Variants in ERBIN observed in about 807,000 individuals in gnomAD.
The protein encoded by ERBIN is densin-180-like protein.
A neutral mutation model predicts 158.4 loss-of-function variants in ERBIN; 60 were observed. The observed-to-expected ratio is 0.38, with a 90% CI of 0.31 to 0.47. The LOEUF (loss-of-function observed/expected upper bound fraction) is 0.47. ERBIN is among the 20% of genes least tolerant of loss of function. The pLI, the probability that ERBIN is intolerant of heterozygous loss-of-function variation, is 0.99. For synonymous variants in ERBIN, 594 were observed against 557.2 expected, an observed-to-expected ratio of 1.07 and a Z score of -0.93; for missense variants, 1,610 against 1,648.0, an observed-to-expected ratio of 0.98 and a Z score of 0.40.
At position 65,934,551 on chromosome 5, in the gene ERBIN, G is replaced by C. The variant is rs184825230; in HGVS notation, c.-58+7745G>C. On this transcript the variant is annotated intron_variant, in intron 1 of 25. Coordinates refer to ENST00000284037, the MANE Select transcript of ERBIN (RefSeq NM_001253697.2). ...ATTAGATCTTTGATTAGATTTTTAT[G>C]ATTAGATCTTTGGCAGGGTTATTGT... Among the ~76,000 whole-genome samples, 317 of 152,064 alleles carry C rather than the reference G, an allele frequency of 2.1e-3. 1 individual carries two copies. The highest frequency in any genetic ancestry group is 7.3e-3 in the African/African-American group (304 of 41,474).
intron 14 of ERBIN, among the ~76,000 whole-genome samples, chr5:66,036,550 A>G (rs16894759): frequency 0.04 from 6,138 of 152,126 alleles, 424 homozygotes; most frequent in African/African-American, 0.14. Flanking sequence ...CTCCTCCTGT[A>G]TGTTCTTCTT....
chr5:65,936,120 ACT>A lies in ERBIN; in HGVS notation c.-58+9317_-58+9318del, dbSNP rs1262370875. Among the ~76,000 whole-genome samples the A allele has an allele frequency of 6.7e-5, 10 of 150,304 alleles. No individual in the cohort carries two copies. In the East Asian group the frequency reaches 2.0e-3, roughly 30 times the overall value. On this transcript the variant is annotated intron_variant, in intron 1 of 25. Transcript: ENST00000284037. Reference sequence around the variant, plus strand: ...TTCTTGGAATTTCACACCTTAGGTCACTCTAGACTCTTTGTGGGAGCATGGAG... The same window carrying A: ...TTCTTGGAATTTCACACCTTAGGTCACTAGACTCTTTGTGGGAGCATGGAG...
intron 1 of ERBIN, among the ~76,000 whole-genome samples, chr5:65,979,313 A>G (rs1750385994): frequency 1.3e-5 from 2 of 152,104 alleles, no homozygotes; most frequent in Non-Finnish European, 2.9e-5. Context: ...CTGTAGTCCC[A>G]ACTATTTGGG....
chr5:66,025,825 A>G (rs774178333), intron 11 of ERBIN, 23 bp from the exon 12 acceptor site: 7 of 1,327,198 alleles, frequency 5.3e-6, no homozygotes, highest in Non-Finnish European at 5.0e-6. Flanking sequence ...CAAATAATAT[A>G]TATTTCTTTT....
At chr5:65,935,978 G>A (rs868035935) in intron 1 of ERBIN, among the ~76,000 whole-genome samples, 1 of 152,098 alleles carries the variant, frequency 6.6e-6, no homozygotes, top group African/African-American at 2.4e-5. Flanking sequence ...CTTCCACCTC[G>A]AACCTCCCAA....
chr5:65,932,577 C>T (rs1235024040), intron 1 of ERBIN, among the ~76,000 whole-genome samples: 1 of 152,176 alleles, frequency 6.6e-6, no homozygotes, highest in Non-Finnish European at 1.5e-5. Context: ...TGTGGACTTC[C>T]AGGGCCTATG....
intron 7 of ERBIN, among the ~76,000 whole-genome samples, chr5:66,019,903 C>G (rs78239770): frequency 0.051 from 7,733 of 152,148 alleles, 204 homozygotes; most frequent in Non-Finnish European, 0.062. Flanking sequence ...TTCTCTTCCT[C>G]CTCACAATCT....
chr5:66,015,748 G>A (rs1368867558), intron 7 of ERBIN, among the ~76,000 whole-genome samples: 1 of 152,132 alleles, frequency 6.6e-6, no homozygotes, highest in African/African-American at 2.4e-5. Context: ...GAGGAGTGAG[G>A]ATCGCTTGAG....
At chr5:65,977,152 C>A (rs995822101) in intron 1 of ERBIN, among the ~76,000 whole-genome samples, 1 of 146,246 alleles carries the variant, frequency 6.8e-6, no homozygotes, top group Non-Finnish European at 1.5e-5. Context: ...GGGGCTGACT[C>A]CCCCACCTCC....
intron 2 of ERBIN, among the ~76,000 whole-genome samples, chr5:65,992,244 G>A (rs1751951943): frequency 6.6e-6 from 1 of 151,994 alleles, no homozygotes; most frequent in Admixed American, 6.6e-5. Flanking sequence ...CCACCTCCCG[G>A]GTTCAAGCCA....
intron 1 of ERBIN, among the ~76,000 whole-genome samples, chr5:65,972,676 G>A (rs1193114746): frequency 6.6e-6 from 1 of 151,316 alleles, no homozygotes; most frequent in African/African-American, 2.5e-5. Flanking sequence ...TAGTTTTACA[G>A]GATTATGGAT....
intron 22 of ERBIN, among the ~76,000 whole-genome samples, chr5:66,072,507 T>C (rs1206757814): frequency 6.6e-6 from 1 of 152,196 alleles, no homozygotes; most frequent in African/African-American, 2.4e-5. Flanking sequence ...CCTGGAGAAT[T>C]ATTTTATTTT....
At chr5:66,026,152 G>A (rs1490166393) in intron 12 of ERBIN, 150 bp from the exon 13 acceptor site, 9 of 676,998 alleles carry the variant, frequency 1.3e-5, no homozygotes, top group South Asian at 2.6e-5. Flanking sequence ...GCTTTCTTAT[G>A]TACATAAAAA....
chr5:66,045,583 A>AC (rs1170206834), intron 17 of ERBIN, among the ~76,000 whole-genome samples: 2 of 152,174 alleles, frequency 1.3e-5, no homozygotes, highest in East Asian at 3.9e-4. Flanking sequence ...ATTTCTCTGA[A>AC]CATACCACTG....
intron 1 of ERBIN, among the ~76,000 whole-genome samples, chr5:65,965,976 A>G (rs905528583): frequency 6.6e-6 from 1 of 152,220 alleles, no homozygotes; most frequent in Admixed American, 6.5e-5. Context: ...ATGACGGTGC[A>G]GTTAACCTCT....
chr5:66,006,570 G>C (rs1317041778), intron 4 of ERBIN, among the ~76,000 whole-genome samples: 1 of 152,118 alleles, frequency 6.6e-6, no homozygotes, highest in African/African-American at 2.4e-5. Context: ...AAGAGCTTCT[G>C]CACAGCAAAA....
intron 1 of ERBIN, among the ~76,000 whole-genome samples, chr5:65,940,474 AGTCCCCCCCCCCCCG>A (rs1744766102): frequency 1.8e-5 from 1 of 55,310 alleles, no homozygotes; most frequent in Non-Finnish European, 3.2e-5. Context: ...TGGGGGGGTC[AGTCCCCCCCCCCCCG>A]GCCAGCCGCC....
chr5:66,047,340 G>A (rs2151216196), intron 18 of ERBIN, among the ~76,000 whole-genome samples: 1 of 152,106 alleles, frequency 6.6e-6, no homozygotes, highest in East Asian at 1.9e-4. Flanking sequence ...ATACTACATT[G>A]TGTATATCCA....
intron 14 of ERBIN, among the ~76,000 whole-genome samples, chr5:66,032,926 C>G (rs1757036764): frequency 1.3e-5 from 2 of 152,114 alleles, no homozygotes. Context: ...GAAAAGTAAC[C>G]ACAAATGAAA....
Sources: allele counts gnomAD v4.1 joint callset (sites outside exome capture counted in the v4.1 genomes callset), GRCh38; gene constraint gnomAD v4.1.1; transcripts MANE v1.5; gene names NCBI Gene and HGNC (gene_info 2026-07-23, HGNC 2026-07-21).